Variants in STOX2 observed in about 807,000 individuals in gnomAD.
STOX2 encodes storkhead-box protein 2.
Under a neutral mutation model 60.9 loss-of-function variants are expected in STOX2, and 28 were observed. The ratio of observed to expected loss-of-function variants is 0.46; its 90% confidence interval spans 0.34 to 0.63. The LOEUF (loss-of-function observed/expected upper bound fraction) is 0.63, where lower values mean the gene tolerates loss of function less well. STOX2 is among the 30% of genes least tolerant of loss of function. The probability of loss-of-function intolerance (pLI) is 0.01; values close to 1 mark genes in which losing one functional copy is unlikely to be tolerated. For synonymous variants in STOX2, 472 were observed against 463.9 expected (o/e 1.02, Z -0.22); for missense variants, 1,024 against 1,187.7 (o/e 0.86, Z 2.03).
At chr4:183,916,555 A>G (rs1560880698) in intron 1 of STOX2, among the ~76,000 whole-genome samples, 2 of 152,186 alleles carry the variant, frequency 1.3e-5, no homozygotes, top group Non-Finnish European at 2.9e-5. Flanking sequence ...GCTTGGTACA[A>G]TGGAAGCATT....
In STOX2 at chr4:183,911,050, C is replaced by T. The variant is rs112093034; in HGVS notation, c.166+4094C>T. On this transcript the variant is annotated intron_variant, in intron 1 of 3. Coordinates refer to ENST00000308497, the MANE Select transcript of STOX2 (RefSeq NM_020225.3). ...GGCGAGTAATATGACCTCCCTCCAT[C>T]TGTAATGAGTCCCCCACTTCCATGC... 1.9e-3 allele frequency among the ~76,000 whole-genome samples: 294 copies of T among 152,286 alleles called. 1 individual carries two copies. The highest frequency in any genetic ancestry group is 5.6e-3 in the African/African-American group (233 of 41,560).
chr4:183,860,739 T>A (rs6829659), intron 1 of STOX2, among the ~76,000 whole-genome samples: 3 of 152,144 alleles, frequency 2.0e-5, no homozygotes, highest in Admixed American at 6.5e-5. Context: ...TTGATAATGT[T>A]TGTGGCTGTC....
chr4:183,917,674 GA>G (rs375223072), intron 1 of STOX2, among the ~76,000 whole-genome samples: 148 of 152,358 alleles, frequency 9.7e-4, no homozygotes, highest in African/African-American at 3.6e-3. Context: ...CTTAGCCAGA[GA>G]GTGAACACGT....
intron 1 of STOX2, among the ~76,000 whole-genome samples, chr4:183,844,086 A>G (rs879906512): frequency 3.3e-5 from 5 of 152,224 alleles, no homozygotes; most frequent in Admixed American, 3.3e-4. Flanking sequence ...TCTTAAAAAA[A>G]CAAAATTATT....
At position 184,017,285 on chromosome 4, in the gene STOX2, T is replaced by C. The variant is rs1219887325; in HGVS notation, c.*1T>C. ...GCAAGCTTCTGTTACTAGCGTGTGA[T>C]TGTCCTTCTGCCTCAGATCTTCTGT... On this transcript the variant is annotated 3_prime_UTR_variant, in exon 4 of 4. Coordinates refer to ENST00000308497, the MANE Select transcript of STOX2 (RefSeq NM_020225.3). The C allele has an allele frequency of 1.9e-6, 3 of 1,585,340 alleles. No individual in the cohort carries two copies. Among genetic ancestry groups the C allele is most frequent in the Non-Finnish European group, 2.6e-6 (3 of 1,165,226 alleles).
Position 183,834,824 on chromosome 4 carries a change from A to G in STOX2, c.364+36769A>G, listed in dbSNP as rs1739662499. Among the ~76,000 whole-genome samples, 4 of 152,322 alleles carry G rather than the reference A, an allele frequency of 2.6e-5. No individual in the cohort carries two copies. In the South Asian group the frequency reaches 8.3e-4, roughly 32 times the overall value. On this transcript the variant is annotated intron_variant, in intron 1 of 2. Coordinates refer to the STOX2 transcript ENST00000513034. ...GTGTCAGGTACTGTGCTAGGAACTG[A>G]GATTCCTACCTCAAGAAACTTCAAG...
chr4:183,900,047 C>T (rs1741429786), intron 1 of STOX2, among the ~76,000 whole-genome samples: 1 of 152,162 alleles, frequency 6.6e-6, no homozygotes, highest in East Asian at 1.9e-4. Context: ...TCTGCTTATG[C>T]TCTATAAATG....
intron 1 of STOX2, among the ~76,000 whole-genome samples, chr4:183,999,556 G>A (rs543512351): frequency 1.5e-3 from 232 of 152,220 alleles, no homozygotes; most frequent in Middle Eastern, 3.4e-3. Flanking sequence ...GAGCTGATGG[G>A]AGCCCCATGT....
intron 1 of STOX2, among the ~76,000 whole-genome samples, chr4:183,960,851 T>C (rs1743392454): frequency 6.6e-6 from 1 of 152,222 alleles, no homozygotes; most frequent in African/African-American, 2.4e-5. Flanking sequence ...GCTCCAAAAC[T>C]ATCTGCTGAA....
intron 1 of STOX2, among the ~76,000 whole-genome samples, chr4:183,961,356 TTGCTGC>T (rs755147300): frequency 5.3e-5 from 8 of 151,710 alleles, no homozygotes; most frequent in African/African-American, 7.3e-5. Context: ...CAAGTGATGG[TTGCTGC>T]TGCTGCTGCT....
Position 183,836,019 on chromosome 4 carries a change from A to G in STOX2, c.364+37964A>G, listed in dbSNP as rs1174494034. 1.3e-5 allele frequency among the ~76,000 whole-genome samples: 2 copies of G among 151,212 alleles called. No homozygotes were observed. Among genetic ancestry groups the G allele is most frequent in the Non-Finnish European group, 2.9e-5 (2 of 67,816 alleles). ...GTTCTGATTCCTCTCCATCCTCACC[A>G]ACACTTGTTACTGCCATTTTTTTTT... On this transcript the variant is annotated intron_variant, in intron 1 of 2. Coordinates refer to the STOX2 transcript ENST00000513034. This position sits in a 1 kb window ranked among gnomAD's most constrained non-coding sequence, Gnocchi z 4.1.
chr4:184,000,981 T>C (rs1257242595), intron 1 of STOX2, among the ~76,000 whole-genome samples: 1 of 152,238 alleles, frequency 6.6e-6, no homozygotes, highest in African/African-American at 2.4e-5. Context: ...TGTCGGGATA[T>C]GAATGGCAGT....
intron 1 of STOX2, among the ~76,000 whole-genome samples, chr4:183,954,027 A>C (rs1323097111): frequency 6.6e-6 from 1 of 152,194 alleles, no homozygotes; most frequent in Non-Finnish European, 1.5e-5. Flanking sequence ...TCTAATTCTC[A>C]TTGAAGGTGG....
chr4:183,860,570 T>G (rs1740414738), intron 1 of STOX2, among the ~76,000 whole-genome samples: 1 of 151,730 alleles, frequency 6.6e-6, no homozygotes. Context: ...CACTTAAAAA[T>G]GTATCGGGAC....
At chr4:183,842,143 G>C (rs1322676923) in intron 1 of STOX2, among the ~76,000 whole-genome samples, 1 of 152,172 alleles carries the variant, frequency 6.6e-6, no homozygotes, top group African/African-American at 2.4e-5. Context: ...TTCCAGATTT[G>C]AGTGTTGAAG....
Position 184,017,110 on chromosome 4 carries a change from C to T in STOX2, c.2607C>T (p.Ser869=). The change falls in exon 4 of 4, where the codon TCC becomes TCT. Residue 869 remains serine, a synonymous_variant. Coordinates refer to ENST00000308497, the MANE Select transcript of STOX2 (RefSeq NM_020225.3). ...NSPRTRESLA[S]NTSSIVESNR... ...TTAGTACTCGGGAGAGCCTGGCTTC[C>T]AACACATCAAGCATTGTTGAAAGTA... 6.2e-7 allele frequency: 1 copy of T among 1,612,066 alleles called. No homozygotes were observed. Among genetic ancestry groups the T allele is most frequent in the East Asian group, 2.2e-5 (1 of 44,808 alleles).
At chr4:183,994,676 C>T (rs376940262) in intron 1 of STOX2, among the ~76,000 whole-genome samples, 11 of 152,142 alleles carry the variant, frequency 7.2e-5, no homozygotes, top group African/African-American at 2.2e-4. Flanking sequence ...GGGCGCAGAG[C>T]GGATAATTGT....
At chr4:183,996,336 G>A (rs1259714845) in intron 1 of STOX2, among the ~76,000 whole-genome samples, 1 of 152,184 alleles carries the variant, frequency 6.6e-6, no homozygotes, top group African/African-American at 2.4e-5. Flanking sequence ...TTTAAGATGA[G>A]TTGTCGTTAT....
intron 1 of STOX2, among the ~76,000 whole-genome samples, chr4:183,932,420 AGTATATGTATGTATACATACAG>A (rs1742462882): frequency 1.3e-5 from 1 of 74,992 alleles, no homozygotes; most frequent in Admixed American, 1.3e-4. Context: ...GTATACATAC[AGTATATGTATGTATACATACAG>A]TATATGTATG....
Sources: allele counts gnomAD v4.1 joint callset (sites outside exome capture counted in the v4.1 genomes callset), GRCh38; gene constraint gnomAD v4.1.1; non-coding constraint Gnocchi (gnomAD v3.1); transcripts MANE v1.5; gene names NCBI Gene and HGNC (gene_info 2026-07-23, HGNC 2026-07-21).